Variants in FAM110B observed in about 807,000 individuals in gnomAD.
FAM110B encodes protein FAM110B.
FAM110B carries 6 observed loss-of-function variants against 20.4 expected under a neutral mutation model. That is an observed-to-expected ratio of 0.29 (90% CI 0.16 to 0.58). FAM110B has a LOEUF of 0.58. Among genes scored for constraint, FAM110B ranks in the 20% least tolerant of loss-of-function variants. The probability of loss-of-function intolerance (pLI) is 0.90; values close to 1 mark genes in which losing one functional copy is unlikely to be tolerated. For synonymous variants in FAM110B, 226 were observed against 214.1 expected, an observed-to-expected ratio of 1.06 and a Z score of -0.49; for missense variants, 434 against 498.2, an observed-to-expected ratio of 0.87 and a Z score of 1.23.
chr8:58,037,617 A>G (rs761748759), intron 2 of FAM110B, among the ~76,000 whole-genome samples: 1 of 152,086 alleles, frequency 6.6e-6, no homozygotes, highest in Non-Finnish European at 1.5e-5. Flanking sequence ...AGCCTGAGCG[A>G]CAGAGTAAGA....
At chr8:58,005,496 G>A (rs2150563488) in intron 1 of FAM110B, among the ~76,000 whole-genome samples, 1 of 152,340 alleles carries the variant, frequency 6.6e-6, no homozygotes, top group Non-Finnish European at 1.5e-5. Context: ...GTTTGATGCT[G>A]AATTGCCACA....
At chr8:58,045,808 C>G (rs1179978151) in intron 2 of FAM110B, among the ~76,000 whole-genome samples, 1 of 152,182 alleles carries the variant, frequency 6.6e-6, no homozygotes, top group African/African-American at 2.4e-5. Flanking sequence ...TTAGTTTGCT[C>G]AGGTTGCTAT....
chr8:58,075,273 T>TGTGTGTGTGTG (rs58047108), intron 2 of FAM110B, among the ~76,000 whole-genome samples: 7 of 144,974 alleles, frequency 4.8e-5, no homozygotes, highest in African/African-American at 1.7e-4. Context: ...TTTTTTTTTT[T>TGTGTGTGTGTG]TTTGTGTGTG....
intron 2 of FAM110B, among the ~76,000 whole-genome samples, chr8:58,061,915 A>G (rs192188397): frequency 2.6e-5 from 4 of 152,356 alleles, no homozygotes; most frequent in Admixed American, 2.6e-4. Flanking sequence ...TGTTAACCCA[A>G]GAAAGAGAAA....
intron 2 of FAM110B, among the ~76,000 whole-genome samples, chr8:58,057,021 G>A (rs1446003350): frequency 6.6e-6 from 1 of 152,118 alleles, no homozygotes; most frequent in African/African-American, 2.4e-5. Flanking sequence ...GCATAATGAG[G>A]GCCTCATAAA....
intron 1 of FAM110B, among the ~76,000 whole-genome samples, chr8:58,013,446 T>C (rs934088503): frequency 1.3e-5 from 2 of 152,098 alleles, no homozygotes; most frequent in Non-Finnish European, 2.9e-5. Context: ...GTTTATATAT[T>C]GGAAAGGCCC....
chr8:58,080,898 A>G (rs1394976099), intron 3 of FAM110B, among the ~76,000 whole-genome samples: 8 of 152,090 alleles, frequency 5.3e-5, no homozygotes, highest in Non-Finnish European at 7.4e-5. Flanking sequence ...CTTGAGTCCT[A>G]TGGGTCTAGT....
At chr8:58,064,488 T>C (rs1369212004) in intron 2 of FAM110B, among the ~76,000 whole-genome samples, 1 of 152,188 alleles carries the variant, frequency 6.6e-6, no homozygotes, top group Non-Finnish European at 1.5e-5. Context: ...TATTAACAAA[T>C]TCTTAACAGT....
intron 3 of FAM110B, among the ~76,000 whole-genome samples, chr8:58,119,827 G>A (rs574030174): frequency 9.9e-5 from 15 of 152,240 alleles, no homozygotes; most frequent in African/African-American, 2.9e-4. Flanking sequence ...GCCGCTAAGC[G>A]CTCTCTTCAG....
At chr8:58,022,397 G>A (rs1386628672) in intron 1 of FAM110B, among the ~76,000 whole-genome samples, 1 of 152,240 alleles carries the variant, frequency 6.6e-6, no homozygotes, top group East Asian at 1.9e-4. Context: ...GGGTGAATGG[G>A]GGTACAGAGT....
At chr8:58,083,667 G>A (rs1485564063) in intron 3 of FAM110B, among the ~76,000 whole-genome samples, 1 of 152,124 alleles carries the variant, frequency 6.6e-6, no homozygotes, top group Non-Finnish European at 1.5e-5. Context: ...CAGAATGCAG[G>A]CCACTCCCAC....
chr8:58,146,138 G>T lies in FAM110B; in HGVS notation c.-93G>T. On this transcript the variant is annotated 5_prime_UTR_variant, in exon 4 of 4. Coordinates refer to ENST00000519262, the MANE Select transcript of FAM110B (RefSeq NM_001377989.1). ...CACTCGCTCCCAGGCTGCACCCGCC[G>T]CCCTTGGCGCTTCATGTACATGTGT... 6.9e-7 allele frequency: 1 copy of T among 1,445,572 alleles called. No homozygotes were observed. The allele number at this position is 1,445,572 out of a possible 1,614,324, so 89.5% of individuals were successfully genotyped here.
At position 58,146,511 on chromosome 8, in the gene FAM110B, G is replaced by A. The variant is rs749092772; in HGVS notation, c.281G>A (p.Gly94Asp). ...PVCPAAKRAL[G>D]SPTLKVFGNH... ...TGCCCGGCTGCCAAGCGCGCACTGG[G>A]CAGCCCCACGCTCAAAGTGTTCGGC... The change falls in exon 4 of 4, where the codon GGC becomes GAC. Residue 94 changes from glycine (G) to aspartate (D), a missense_variant. By Grantham distance (94) the Gly-to-Asp change is moderately conservative (BLOSUM62 -1). Coordinates refer to ENST00000519262, the MANE Select transcript of FAM110B (RefSeq NM_001377989.1). The A allele has an allele frequency of 5.6e-6, 9 of 1,613,740 alleles. No individual in the cohort carries two copies. The South Asian group carries it at 9.9e-5, about 18-fold the overall frequency.
chr8:57,999,917 A>T (rs1804259144), intron 1 of FAM110B, among the ~76,000 whole-genome samples: 1 of 152,160 alleles, frequency 6.6e-6, no homozygotes, highest in Non-Finnish European at 1.5e-5. Flanking sequence ...ATATATACAC[A>T]TCCATGAATG....
chr8:58,063,731 T>C (rs1585854280), intron 2 of FAM110B, among the ~76,000 whole-genome samples: 1 of 152,212 alleles, frequency 6.6e-6, no homozygotes, highest in Non-Finnish European at 1.5e-5. Flanking sequence ...GGTAAATATT[T>C]TCCTATAATA....
intron 3 of FAM110B, among the ~76,000 whole-genome samples, chr8:58,128,449 C>A (rs1360983868): frequency 2.6e-5 from 4 of 152,158 alleles, no homozygotes; most frequent in Non-Finnish European, 5.9e-5. Flanking sequence ...CCCTGTGAGG[C>A]CCTGTTTTGA....
intron 3 of FAM110B, among the ~76,000 whole-genome samples, chr8:58,104,821 C>T (rs1433927615): frequency 6.6e-6 from 1 of 152,132 alleles, no homozygotes; most frequent in Non-Finnish European, 1.5e-5. Context: ...GATAGAAAAA[C>T]ACTTTGTTAA....
intron 3 of FAM110B, among the ~76,000 whole-genome samples, chr8:58,105,556 A>ATTTTTTTTTTTT (rs71557704): frequency 1.4e-4 from 13 of 94,634 alleles, no homozygotes; most frequent in East Asian, 3.0e-4. Flanking sequence ...GAATGAATGA[A>ATTTTTTTTTTTT]TTTTTTTTTT....
chr8:58,010,573 G>A (rs1479068135), intron 1 of FAM110B, among the ~76,000 whole-genome samples: 1 of 152,134 alleles, frequency 6.6e-6, no homozygotes, highest in Non-Finnish European at 1.5e-5. Flanking sequence ...GCTAGGTGCT[G>A]GGAGTAAAGA....
Sources: gnomAD v4.1 joint callset for allele counts (sites outside exome capture counted in the v4.1 genomes callset) on GRCh38, gnomAD v4.1.1 for gene constraint, MANE v1.5 for transcripts, NCBI Gene and HGNC (gene_info 2026-07-23, HGNC 2026-07-21) for gene names.